CDH10: variants seen among roughly 807,000 people sequenced by gnomAD.
CDH10 encodes cadherin 10, also known as cadherin-10.
Under a neutral mutation model 73.1 loss-of-function variants are expected in CDH10, and 30 were observed. That is an observed-to-expected ratio of 0.41 (90% CI 0.31 to 0.56). The LOEUF is 0.56. Ranked by LOEUF, CDH10 falls within the 20% of genes least tolerant of loss-of-function variation. CDH10 has a pLI of 0.27. For synonymous variants in CDH10, 345 were observed against 348.2 expected, an observed-to-expected ratio of 0.99 and a Z score of 0.10; for missense variants, 815 against 973.7, an observed-to-expected ratio of 0.84 and a Z score of 2.17.
rs141236264 is a variant in CDH10 at position 24,554,115 on chromosome 5, G to A, written c.232-16441C>T. On this transcript the variant is annotated intron_variant, in intron 2 of 11. Transcript: ENST00000264463. ...AGAGAGAGAAGGGGAGGTGGGCGGG[G>A]GGGGGAGAGAGAGAGACATTCAATC... is the stretch of plus-strand genomic sequence containing the variant. The A allele has an allele frequency of 3.8e-3, 87 of 22,906 alleles. 19 individuals are homozygous for A. The highest frequency in any genetic ancestry group is 5.0e-3 in the African/African-American group (32 of 6,456). 1.4% of individuals were successfully genotyped at this position (22,906 alleles called of 1,614,324 possible). A position where few individuals can be genotyped will look rare whatever the true frequency, so the allele number is the denominator to read the frequency against.
chr5:24,509,615 T>G lies in CDH10; in HGVS notation c.1207A>C (p.Ile403Leu), dbSNP rs1742822495. ...GGGTCCCTTGCCATTACAGTACCAA[T>G]GATTGTGCCCACTTCAATATCTTCA... ...VHEDIEVGTI[I>L]GTVMARDPDS... The change falls in exon 7 of 12, where the codon ATT (isoleucine) becomes CTT (leucine). Residue 403 changes from isoleucine (I) to leucine (L), a missense_variant. Physicochemically the swap from Ile to Leu is conservative, Grantham distance 5 (BLOSUM62 2). Coordinates refer to ENST00000264463, the MANE Select transcript of CDH10 (RefSeq NM_006727.5). The G allele has an allele frequency of 6.2e-7, 1 of 1,613,940 alleles. No homozygotes were observed. Among genetic ancestry groups the G allele is most frequent in the Non-Finnish European group, 8.5e-7 (1 of 1,179,866 alleles).
chr5:24,596,686 G>A (rs568100451), intron 1 of CDH10, among the ~76,000 whole-genome samples: 1 of 152,004 alleles, frequency 6.6e-6, no homozygotes. Flanking sequence ...ACCCTGATAT[G>A]TAACTTCTTA....
At chr5:24,522,993 A>G (rs187218620) in intron 5 of CDH10, among the ~76,000 whole-genome samples, 2 of 151,968 alleles carry the variant, frequency 1.3e-5, no homozygotes, top group Non-Finnish European at 2.9e-5. Flanking sequence ...GAGGTTGACA[A>G]TGGTGAATAT....
chr5:24,604,892 A>AAAC (rs1746701971), intron 1 of CDH10, among the ~76,000 whole-genome samples: 1 of 146,988 alleles, frequency 6.8e-6, no homozygotes, highest in African/African-American at 2.7e-5. Context: ...AAAAAAAAAA[A>AAAC]AAACAAAAAC....
At chr5:24,530,016 C>CTTTTTTTTTTT (rs34282847) in intron 5 of CDH10, among the ~76,000 whole-genome samples, 3 of 121,832 alleles carry the variant, frequency 2.5e-5, no homozygotes, top group African/African-American at 6.1e-5. Context: ...TCTATTTTTA[C>CTTTTTTTTTTT]TTTTTTTTTT....
At chr5:24,502,011 C>T (rs941714977) in intron 8 of CDH10, among the ~76,000 whole-genome samples, 24 of 151,768 alleles carry the variant, frequency 1.6e-4, no homozygotes, top group Non-Finnish European at 2.2e-4. Flanking sequence ...CTCCGCCTCC[C>T]GGGTTCACGC....
At chr5:24,625,052 T>C (rs1747447514) in intron 1 of CDH10, among the ~76,000 whole-genome samples, 1 of 152,122 alleles carries the variant, frequency 6.6e-6, no homozygotes, top group Non-Finnish European at 1.5e-5. Flanking sequence ...TAGGGCACCC[T>C]TTGAAGTTTA....
At chr5:24,570,308 C>T (rs899319670) in intron 2 of CDH10, among the ~76,000 whole-genome samples, 8 of 151,958 alleles carry the variant, frequency 5.3e-5, no homozygotes, top group African/African-American at 1.9e-4. Flanking sequence ...ATTTACTAGC[C>T]TCAGTTCTGC....
chr5:24,492,902 T>G lies in CDH10; in HGVS notation c.1539A>C (p.Val513=), dbSNP rs149762073. Residue 513 remains valine (V), a synonymous_variant, in exon 10 of 12, where the codon GTA becomes GTC. Transcript: ENST00000264463. ...PGQLIQTISA[V]DKDDPLGGQK... is the part of the protein sequence containing the mutation. ...GTCCACCTAAAGGGTCATCTTTGTC[T>G]ACTGCACTTATAGTCTGTATTAGCT... The G allele has an allele frequency of 9.8e-6, 15 of 1,537,752 alleles. No homozygotes were observed. The highest frequency in any genetic ancestry group is 1.4e-5 in the Non-Finnish European group (15 of 1,110,762).
chr5:24,503,693 T>C (rs1438994394), intron 8 of CDH10, among the ~76,000 whole-genome samples: 2 of 152,158 alleles, frequency 1.3e-5, no homozygotes, highest in Admixed American at 6.5e-5. Context: ...CAAATCTCAG[T>C]TGTGCTACCT....
chr5:24,629,632 T>C (rs1217040507), intron 1 of CDH10, among the ~76,000 whole-genome samples: 1 of 152,078 alleles, frequency 6.6e-6, no homozygotes, highest in Admixed American at 6.6e-5. Context: ...ATGGGGACAG[T>C]TTCCCCATGT....
intron 1 of CDH10, among the ~76,000 whole-genome samples, chr5:24,603,186 T>G (rs183159859): frequency 4.6e-4 from 70 of 152,300 alleles, no homozygotes; most frequent in African/African-American, 1.6e-3. Context: ...ACTACTGGTG[T>G]CAGTTTCTGC....
intron 1 of CDH10, among the ~76,000 whole-genome samples, chr5:24,617,093 T>C (rs1435148650): frequency 6.6e-6 from 1 of 152,110 alleles, no homozygotes; most frequent in Non-Finnish European, 1.5e-5. Flanking sequence ...AAAATGAGTA[T>C]ATATCAGAGT....
Position 24,525,001 on chromosome 5 carries a change from C to T in CDH10, c.814+10111G>A, listed in dbSNP as rs552437694. The stretch of plus-strand genomic sequence containing the variant: ...CCTTTGCACTTGAATATTTAAAATA[C>T]TGCCAATTTGTGTACAAGAGTTAAA... On this transcript the variant is annotated intron_variant, in intron 5 of 11. Transcript: ENST00000264463. Among the ~76,000 whole-genome samples, 10 of 152,152 alleles carry T rather than the reference C, an allele frequency of 6.6e-5. No individual in the cohort carries two copies. In the South Asian group the frequency reaches 1.7e-3, roughly 25 times the overall value.
intron 10 of CDH10, among the ~76,000 whole-genome samples, chr5:24,492,202 A>G (rs1407629060): frequency 6.6e-6 from 1 of 152,236 alleles, no homozygotes; most frequent in African/African-American, 2.4e-5. Context: ...ATTTATGTGC[A>G]TCTGTGCGTG....
At chr5:24,527,123 C>T (rs1227174248) in intron 5 of CDH10, among the ~76,000 whole-genome samples, 1 of 150,528 alleles carries the variant, frequency 6.6e-6, no homozygotes, top group Non-Finnish European at 1.5e-5. Context: ...TATTGCATTA[C>T]TCTCCAGTTA....
intron 1 of CDH10, among the ~76,000 whole-genome samples, chr5:24,596,167 A>G (rs111554246): frequency 7.2e-5 from 11 of 152,114 alleles, no homozygotes; most frequent in Admixed American, 2.0e-4. Flanking sequence ...CTTCCTAGTT[A>G]TGTTCTAAGT....
At chr5:24,629,590 G>C (rs889190776) in intron 1 of CDH10, among the ~76,000 whole-genome samples, 3 of 151,528 alleles carry the variant, frequency 2.0e-5, no homozygotes, top group Non-Finnish European at 4.4e-5. Flanking sequence ...CCCAGGTGTT[G>C]AGGAAGGGGC....
chr5:24,497,960 G>A (rs189726935), intron 9 of CDH10, among the ~76,000 whole-genome samples: 1 of 152,130 alleles, frequency 6.6e-6, no homozygotes, highest in Admixed American at 6.6e-5. Context: ...ATGCAAAACC[G>A]TATCTGCACA....
Sources: allele counts gnomAD v4.1 joint callset (sites outside exome capture counted in the v4.1 genomes callset), GRCh38; gene constraint gnomAD v4.1.1; transcripts MANE v1.5; gene names NCBI Gene and HGNC (gene_info 2026-07-23, HGNC 2026-07-21).